The following XKR6 variants were observed in gnomAD, a reference collection of about 807,000 sequenced individuals.
The protein encoded by XKR6 is XK related 6.
XKR6 carries 22 observed loss-of-function variants against 56.7 expected under a neutral mutation model. The ratio of observed to expected loss-of-function variants is 0.39; its 90% CI spans 0.28 to 0.55. The LOEUF (loss-of-function observed/expected upper bound fraction) is 0.55. Among genes scored for constraint, XKR6 ranks in the 20% least tolerant of loss-of-function variants. XKR6 has a pLI of 0.66. For missense variants in XKR6, 852 were observed against 889.0 expected (o/e 0.96, Z 0.53); for synonymous variants, 524 against 387.8 (o/e 1.35, Z -4.13).
At chr8:11,031,975 T>G (rs1288776257) in intron 1 of XKR6, among the ~76,000 whole-genome samples, 3 of 152,188 alleles carry the variant, frequency 2.0e-5, no homozygotes, top group Non-Finnish European at 4.4e-5. Context: ...AGCCTCTGCC[T>G]AGCCACAGCT....
rs374548742 is a variant in XKR6, at chr8:10,914,291, C to T, written c.961+10343G>A. 1.1e-4 allele frequency among the ~76,000 whole-genome samples: 17 copies of T among 152,226 alleles called. No homozygotes were observed. In the South Asian group the frequency reaches 3.5e-3, roughly 32 times the overall value. ...CTGGTGTCCCTTTCGGAGCCTCTTC[C>T]TGAGTATATACAGTATATACTGGGG... On this transcript the variant is annotated intron_variant, in intron 2 of 2. Transcript: ENST00000416569.
chr8:11,042,702 T>A (rs1799315530), intron 1 of XKR6, among the ~76,000 whole-genome samples: 1 of 152,244 alleles, frequency 6.6e-6, no homozygotes, highest in Non-Finnish European at 1.5e-5. Flanking sequence ...AATGAACATA[T>A]CCTTTGAGCA....
At chr8:11,128,538 G>C (rs762841848) in intron 1 of XKR6, among the ~76,000 whole-genome samples, 18 of 152,142 alleles carry the variant, frequency 1.2e-4, no homozygotes, top group Non-Finnish European at 2.4e-4. Context: ...CATTAAGTGG[G>C]ACTGCAGGAA....
intron 1 of XKR6, among the ~76,000 whole-genome samples, chr8:11,129,493 C>T (rs1799994870): frequency 6.6e-6 from 1 of 152,176 alleles, no homozygotes. Flanking sequence ...CTGCTCTCCA[C>T]TTCCACAGGA....
At chr8:10,912,517 TAGAG>T (rs1282230372) in intron 2 of XKR6, among the ~76,000 whole-genome samples, 30 of 130,336 alleles carry the variant, frequency 2.3e-4, no homozygotes, top group South Asian at 1.8e-3. Flanking sequence ...TGTATATACA[TAGAG>T]AGAGTGAGTA....
chr8:11,130,168 TG>T (rs1291391268), intron 1 of XKR6, among the ~76,000 whole-genome samples: 1 of 152,130 alleles, frequency 6.6e-6, no homozygotes, highest in African/African-American at 2.4e-5. Flanking sequence ...AACACTATTT[TG>T]TGGCTGGTTG....
rs539815712 is a variant in XKR6 at position 11,085,359 on chromosome 8, G to A, written c.764+115217C>T. Among the ~76,000 whole-genome samples the A allele has an allele frequency of 1.1e-3, 169 of 152,312 alleles. 1 individual carries two copies. The highest frequency in any genetic ancestry group is 1.9e-3 in the Non-Finnish European group (127 of 68,030). ...CCACATGCCATGGGGTGCGGTTGCT[G>A]CTCTCAAGAAGCCCACATCCTCCTG... On this transcript the variant is annotated intron_variant, in intron 1 of 2. Coordinates refer to ENST00000416569, the MANE Select transcript of XKR6 (RefSeq NM_173683.4).
intron 1 of XKR6, among the ~76,000 whole-genome samples, chr8:11,144,015 CTTCTT>C (rs1800846842): frequency 6.6e-6 from 1 of 152,062 alleles, no homozygotes; most frequent in African/African-American, 2.4e-5. Context: ...GTCTCTCCCT[CTTCTT>C]TTAAGAAGTT....
intron 1 of XKR6, among the ~76,000 whole-genome samples, chr8:10,960,649 C>T (rs1430327593): frequency 2.0e-5 from 3 of 152,204 alleles, no homozygotes; most frequent in Non-Finnish European, 1.5e-5. Flanking sequence ...GAAACTGAGG[C>T]TTTGGGACAA....
chr8:11,018,769 G>C (rs1321083338), intron 1 of XKR6, among the ~76,000 whole-genome samples: 1 of 152,014 alleles, frequency 6.6e-6, no homozygotes, highest in African/African-American at 2.4e-5. Context: ...ACCATCAATA[G>C]CTCCCCATTG....
At chr8:10,944,484 C>T (rs545223843) in intron 1 of XKR6, among the ~76,000 whole-genome samples, 1 of 152,178 alleles carries the variant, frequency 6.6e-6, no homozygotes, top group Non-Finnish European at 1.5e-5. Context: ...CAGCCATTCA[C>T]CACACGGCAG....
intron 1 of XKR6, among the ~76,000 whole-genome samples, chr8:10,993,416 G>A (rs1199182317): frequency 1.3e-5 from 2 of 152,254 alleles, no homozygotes; most frequent in African/African-American, 2.4e-5. Flanking sequence ...GGAGGGAGGA[G>A]GCGGGGACCC....
chr8:10,959,950 A>T (rs1394908595), intron 1 of XKR6, among the ~76,000 whole-genome samples: 3 of 152,144 alleles, frequency 2.0e-5, no homozygotes, highest in Non-Finnish European at 2.9e-5. Flanking sequence ...AGAGTGCAGG[A>T]TTTAAGGCAG....
intron 1 of XKR6, among the ~76,000 whole-genome samples, chr8:11,077,587 G>A (rs1311079120): frequency 6.6e-6 from 1 of 152,198 alleles, no homozygotes; most frequent in Non-Finnish European, 1.5e-5. Flanking sequence ...TAAATCTCCA[G>A]GAGGAGGTGA....
At chr8:11,174,322 T>C (rs1586652407) in intron 1 of XKR6, among the ~76,000 whole-genome samples, 1 of 152,224 alleles carries the variant, frequency 6.6e-6, no homozygotes, top group Non-Finnish European at 1.5e-5. Flanking sequence ...AAAACCCACG[T>C]ATTTAAAACA....
intron 1 of XKR6, among the ~76,000 whole-genome samples, chr8:10,975,489 G>C (rs1802528290): frequency 6.6e-6 from 1 of 152,248 alleles, no homozygotes; most frequent in Admixed American, 6.5e-5. Flanking sequence ...CCCACTGCGA[G>C]AGTTTCCATG....
intron 1 of XKR6, among the ~76,000 whole-genome samples, chr8:11,057,351 T>C (rs28654412): frequency 0.098 from 14,984 of 152,196 alleles, 2,326 homozygotes; most frequent in African/African-American, 0.33. Context: ...GAGGGCTTTT[T>C]GTCTGTTTTG....
At position 11,111,000 on chromosome 8, in the gene XKR6, C is replaced by A. The variant is rs1798865500; in HGVS notation, c.764+89576G>T. Among the ~76,000 whole-genome samples, 21 of 133,866 alleles carry A rather than the reference C, an allele frequency of 1.6e-4. No individual in the cohort carries two copies. In the South Asian group the frequency reaches 5.2e-3, roughly 33 times the overall value. 87.8% of individuals were successfully genotyped at this position (133,866 alleles called of 152,430 possible). On this transcript the variant is annotated intron_variant, in intron 1 of 2. Coordinates refer to ENST00000416569, the MANE Select transcript of XKR6 (RefSeq NM_173683.4). ...TACAGGCGCCTGCCACCACGCCTGG[C>A]TTTTTCTATTTTTTTTTTTTTTTTT...
chr8:11,075,103 G>A (rs116307228), intron 1 of XKR6, among the ~76,000 whole-genome samples: 3,188 of 152,256 alleles, frequency 0.021, 105 homozygotes, highest in African/African-American at 0.072. Flanking sequence ...TGCTGCCCCC[G>A]CCCTGCAGAG....
Sources: gnomAD v4.1 joint callset for allele counts (sites outside exome capture counted in the v4.1 genomes callset) on GRCh38, gnomAD v4.1.1 for gene constraint, MANE v1.5 for transcripts, NCBI Gene and HGNC (gene_info 2026-07-23, HGNC 2026-07-21) for gene names.